CCSER1: variants seen among roughly 807,000 people sequenced by gnomAD.
CCSER1 encodes the protein serine-rich coiled-coil domain-containing protein 1.
A neutral mutation model predicts 82.0 loss-of-function variants in CCSER1; 41 were observed. That is an observed-to-expected ratio of 0.50 (90% CI 0.39 to 0.65). The LOEUF is 0.65. Ranked by LOEUF, CCSER1 falls within the 30% of genes least tolerant of loss-of-function variation. The pLI is 0.00. For missense variants in CCSER1, 1,119 were observed against 1,064.2 expected, an observed-to-expected ratio of 1.05 and a Z score of -0.72; for synonymous variants, 414 against 383.9, an observed-to-expected ratio of 1.08 and a Z score of -0.92.
At chr4:90,498,227 G>T (rs1769322121) in intron 5 of CCSER1, among the ~76,000 whole-genome samples, 1 of 152,082 alleles carries the variant, frequency 6.6e-6, no homozygotes, top group Non-Finnish European at 1.5e-5. Flanking sequence ...CAACAATAAT[G>T]AATAATTAAA....
At chr4:91,445,079 T>A (rs1755462493) in intron 10 of CCSER1, among the ~76,000 whole-genome samples, 1 of 152,202 alleles carries the variant, frequency 6.6e-6, no homozygotes, top group Admixed American at 6.5e-5. Flanking sequence ...CTTTAAAAAC[T>A]ATTTTTTCCC....
intron 3 of CCSER1, among the ~76,000 whole-genome samples, chr4:90,351,298 G>T (rs1180589812): frequency 6.6e-6 from 1 of 152,110 alleles, no homozygotes; most frequent in Non-Finnish European, 1.5e-5. Context: ...TCCAGTAAAT[G>T]GTTTAGGGTA....
intron 10 of CCSER1, among the ~76,000 whole-genome samples, chr4:91,304,165 A>C (rs944189234): frequency 2.6e-5 from 4 of 152,064 alleles, no homozygotes; most frequent in African/African-American, 9.7e-5. Flanking sequence ...TGTTCTAAAA[A>C]ACTTTTATTG....
chr4:90,528,379 A>C (rs938852735), intron 5 of CCSER1, among the ~76,000 whole-genome samples: 98 of 152,334 alleles, frequency 6.4e-4, no homozygotes, highest in African/African-American at 2.2e-3. Context: ...TCTACCAGAA[A>C]CAGCCACACT....
chr4:91,178,167 T>C (rs1454027457), intron 10 of CCSER1, among the ~76,000 whole-genome samples: 5 of 152,354 alleles, frequency 3.3e-5, no homozygotes, highest in Admixed American at 2.6e-4. Flanking sequence ...TGCCCTGTGG[T>C]CTCAGACACA....
chr4:90,555,507 T>C (rs954194874), intron 5 of CCSER1, among the ~76,000 whole-genome samples: 1 of 152,178 alleles, frequency 6.6e-6, no homozygotes, highest in African/African-American at 2.4e-5. Context: ...ATTAAATTCC[T>C]ATAAGAACTT....
At chr4:90,648,296 A>AGAAAGAAAG (rs1560879416) in intron 6 of CCSER1, among the ~76,000 whole-genome samples, 1 of 144,252 alleles carries the variant, frequency 6.9e-6, no homozygotes, top group African/African-American at 2.7e-5. Context: ...AAAGAAAGAA[A>AGAAAGAAAG]GAAAGAAAGA....
intron 8 of CCSER1, among the ~76,000 whole-genome samples, chr4:90,840,090 T>C (rs1561227763): frequency 6.6e-6 from 1 of 152,116 alleles, no homozygotes; most frequent in Non-Finnish European, 1.5e-5. Flanking sequence ...TTTTGATATC[T>C]GCTGCTTTAG....
At chr4:91,544,748 C>T (rs1761794541) in intron 10 of CCSER1, among the ~76,000 whole-genome samples, 1 of 151,626 alleles carries the variant, frequency 6.6e-6, no homozygotes, top group Non-Finnish European at 1.5e-5. Flanking sequence ...AGTTAGGCTA[C>T]TCGGGGGTCA....
chr4:90,176,177 T>G (rs1361857231), intron 1 of CCSER1, among the ~76,000 whole-genome samples: 1 of 151,988 alleles, frequency 6.6e-6, no homozygotes, highest in Non-Finnish European at 1.5e-5. Context: ...AATAGATGAG[T>G]GACAAGCTCT....
At chr4:91,558,319 T>C (rs1762496918) in intron 10 of CCSER1, among the ~76,000 whole-genome samples, 1 of 151,636 alleles carries the variant, frequency 6.6e-6, no homozygotes, top group South Asian at 2.1e-4. Flanking sequence ...TAAATGTACT[T>C]CCTCAACATA....
At chr4:91,324,724 A>C (rs1231348117) in intron 10 of CCSER1, among the ~76,000 whole-genome samples, 1 of 152,146 alleles carries the variant, frequency 6.6e-6, no homozygotes, top group East Asian at 1.9e-4. Context: ...GAAATCTGGG[A>C]ATAGCAATCT....
chr4:91,344,822 G>A (rs1469321317), intron 10 of CCSER1, among the ~76,000 whole-genome samples: 1 of 152,048 alleles, frequency 6.6e-6, no homozygotes, highest in Non-Finnish European at 1.5e-5. Flanking sequence ...ATTCATACTG[G>A]GGGATAATAT....
rs372788317 is a variant in CCSER1 at position 90,130,526 on chromosome 4, A to T, written c.-42+2695A>T. ...AATAGAAAAGAACATATAAGGGAAG[A>T]TAAGTTTGTTTTGATATAAATTAAG... On this transcript the variant is annotated intron_variant, in intron 1 of 10. Transcript: ENST00000509176. 5.9e-5 allele frequency among the ~76,000 whole-genome samples: 9 copies of T among 152,298 alleles called. No individual in the cohort carries two copies. In the East Asian group the frequency reaches 1.2e-3, roughly 20 times the overall value.
At chr4:91,542,944 T>C (rs1761684216) in intron 10 of CCSER1, among the ~76,000 whole-genome samples, 1 of 152,204 alleles carries the variant, frequency 6.6e-6, no homozygotes, top group Non-Finnish European at 1.5e-5. Context: ...CTAAGTCTCT[T>C]TCTAGGTCTC....
At chr4:91,230,128 A>T (rs917921581) in intron 10 of CCSER1, among the ~76,000 whole-genome samples, 3 of 152,140 alleles carry the variant, frequency 2.0e-5, no homozygotes, top group Admixed American at 2.0e-4. Context: ...CTCCAAAATA[A>T]ACTTTAGCCA....
intron 10 of CCSER1, among the ~76,000 whole-genome samples, chr4:91,184,301 G>C (rs1360546640): frequency 6.6e-6 from 1 of 152,216 alleles, no homozygotes; most frequent in Non-Finnish European, 1.5e-5. Flanking sequence ...TTAGCAGGCT[G>C]CAGGTTGTTT....
intron 10 of CCSER1, among the ~76,000 whole-genome samples, chr4:91,117,863 A>G (rs1268032201): frequency 1.3e-5 from 2 of 152,120 alleles, no homozygotes; most frequent in Non-Finnish European, 2.9e-5. Context: ...TAAACACTGG[A>G]AAATATTATC....
chr4:90,401,017 T>C (rs1752788340), intron 4 of CCSER1, among the ~76,000 whole-genome samples: 1 of 152,284 alleles, frequency 6.6e-6, no homozygotes, highest in Admixed American at 6.5e-5. Context: ...TAGTTATTTT[T>C]AGTTGTAAAA....
Sources: gnomAD v4.1 joint callset for allele counts (sites outside exome capture counted in the v4.1 genomes callset) on GRCh38, gnomAD v4.1.1 for gene constraint, MANE v1.5 for transcripts, NCBI Gene and HGNC (gene_info 2026-07-23, HGNC 2026-07-21) for gene names.